The following MEMO1 variants were observed in gnomAD, a reference collection of about 807,000 sequenced individuals.
The protein encoded by MEMO1 is protein MEMO1.
In MEMO1, 6 loss-of-function variants were observed where a neutral mutation model predicts 45.2. That is an observed-to-expected ratio of 0.13 (90% confidence interval 0.07 to 0.26). The LOEUF is 0.26. Among genes scored for constraint, MEMO1 ranks in the 10% least tolerant of loss-of-function variants. The pLI is 1.00. For missense variants in MEMO1, 184 were observed against 370.5 expected (o/e 0.50, Z 4.13); for synonymous variants, 78 against 124.3 (o/e 0.63, Z 2.48).
At chr2:31,960,404 C>G (rs551997716) in intron 2 of MEMO1, among the ~76,000 whole-genome samples, 1 of 152,002 alleles carries the variant, frequency 6.6e-6, no homozygotes, top group African/African-American at 2.4e-5. Context: ...TTAATTATAG[C>G]CTTTCTAAAC....
intron 2 of MEMO1, among the ~76,000 whole-genome samples, chr2:31,959,335 C>T (rs536207501): frequency 3.9e-5 from 6 of 152,104 alleles, no homozygotes; most frequent in African/African-American, 1.4e-4. Context: ...TCCTGAGATA[C>T]AGGTACTTGG....
intron 2 of MEMO1, among the ~76,000 whole-genome samples, chr2:31,985,268 A>C (rs1223582872): frequency 6.6e-6 from 1 of 152,226 alleles, no homozygotes; most frequent in African/African-American, 2.4e-5. Context: ...AAAATAAATA[A>C]CAAAATGATT....
At chr2:31,908,265 G>T (rs1420136530) in intron 6 of MEMO1, among the ~76,000 whole-genome samples, 1 of 152,104 alleles carries the variant, frequency 6.6e-6, no homozygotes, top group African/African-American at 2.4e-5. Context: ...ACTGTCTACA[G>T]AATGCACTGA....
intron 6 of MEMO1, among the ~76,000 whole-genome samples, chr2:31,900,396 C>T (rs1174873526): frequency 1.3e-5 from 2 of 151,952 alleles, no homozygotes; most frequent in South Asian, 2.1e-4. Context: ...TGGATGAAGC[C>T]GGAAACCATC....
In MEMO1 at chr2:31,927,829, T is replaced by G. The variant is rs1683337212; in HGVS notation, c.212+4238A>C. 3.3e-5 allele frequency among the ~76,000 whole-genome samples: 5 copies of G among 152,232 alleles called. No homozygotes were observed. In the South Asian group the frequency reaches 1.0e-3, roughly 31 times the overall value. ...AAAGGTAGATGTGGTCTACATTTGG[T>G]GTCCTTAATAAGTTAAGGGTTCCTG... is the stretch of plus-strand genomic sequence containing the variant. On this transcript the variant is annotated intron_variant, in intron 4 of 9. Transcript: ENST00000404530.
chr2:31,942,587 C>A (rs1404842270), intron 3 of MEMO1, among the ~76,000 whole-genome samples: 1 of 151,890 alleles, frequency 6.6e-6, no homozygotes, highest in African/African-American at 2.4e-5. Flanking sequence ...CTCACTACAA[C>A]CTCCACCTCC....
At chr2:31,971,547 A>G (rs910101216) in intron 2 of MEMO1, among the ~76,000 whole-genome samples, 1 of 151,986 alleles carries the variant, frequency 6.6e-6, no homozygotes, top group Non-Finnish European at 1.5e-5. Flanking sequence ...TTTATTTTTT[A>G]TTATTATTTT....
At chr2:31,930,099 T>TAAAAATAC (rs1683728778) in intron 4 of MEMO1, among the ~76,000 whole-genome samples, 1 of 152,140 alleles carries the variant, frequency 6.6e-6, no homozygotes, top group African/African-American at 2.4e-5. Context: ...GTGTCTCCAC[T>TAAAAATAC]AAAAATACAA....
chr2:31,918,297 T>G (rs1681766348), intron 5 of MEMO1, among the ~76,000 whole-genome samples: 1 of 152,208 alleles, frequency 6.6e-6, no homozygotes, highest in Non-Finnish European at 1.5e-5. Flanking sequence ...TTACTCATCA[T>G]TTGTATATGT....
intron 3 of MEMO1, among the ~76,000 whole-genome samples, chr2:31,933,351 T>TAAAAAAAAAAA (rs869274123): frequency 2.2e-5 from 1 of 45,088 alleles, no homozygotes; most frequent in Non-Finnish European, 3.7e-5. Flanking sequence ...AAAAAAAAAT[T>TAAAAAAAAAAA]TATATATATA....
chr2:31,935,676 C>G (rs1037179455), intron 3 of MEMO1, among the ~76,000 whole-genome samples: 1 of 152,066 alleles, frequency 6.6e-6, no homozygotes, highest in Non-Finnish European at 1.5e-5. Flanking sequence ...TATCCTCGCC[C>G]AGAAACATGG....
At chr2:31,966,910 G>A (rs902565184) in intron 2 of MEMO1, among the ~76,000 whole-genome samples, 5 of 151,898 alleles carry the variant, frequency 3.3e-5, no homozygotes, top group African/African-American at 7.3e-5. Context: ...ATCTCTATAC[G>A]TTCAAACTTT....
At chr2:31,896,307 T>C (rs550269735) in intron 6 of MEMO1, among the ~76,000 whole-genome samples, 12 of 152,140 alleles carry the variant, frequency 7.9e-5, no homozygotes, top group African/African-American at 2.2e-4. Context: ...TTAATTAAAA[T>C]TGGATCCTAG....
At chr2:31,986,988 A>G (rs1028195752) in intron 2 of MEMO1, among the ~76,000 whole-genome samples, 2 of 152,114 alleles carry the variant, frequency 1.3e-5, no homozygotes, top group African/African-American at 4.8e-5. Flanking sequence ...ACAATTAGGG[A>G]GAAAACAATG....
At chr2:31,989,749 A>T (rs1404089371) in intron 2 of MEMO1, among the ~76,000 whole-genome samples, 3 of 152,134 alleles carry the variant, frequency 2.0e-5, no homozygotes, top group South Asian at 2.1e-4. Context: ...GATTTTTTTT[A>T]AAAAAGGAAC....
At chr2:31,994,884 G>A (rs1672385612) in intron 2 of MEMO1, among the ~76,000 whole-genome samples, 1 of 151,742 alleles carries the variant, frequency 6.6e-6, no homozygotes, top group Middle Eastern at 3.2e-3. Flanking sequence ...GGAGGTCGAG[G>A]CTGCAGTGAG....
At chr2:31,923,125 T>G (rs2148190336) in intron 4 of MEMO1, among the ~76,000 whole-genome samples, 1 of 152,248 alleles carries the variant, frequency 6.6e-6, no homozygotes, top group South Asian at 2.1e-4. Context: ...TCCACAACCT[T>G]GCCAGCATCT....
intron 8 of MEMO1, among the ~76,000 whole-genome samples, chr2:31,875,249 G>C (rs1420600455): frequency 1.3e-5 from 2 of 152,082 alleles, no homozygotes; most frequent in South Asian, 4.1e-4. Context: ...TTAAAATTAT[G>C]TTCCAGTAAT....
chr2:31,871,975 C>T (rs1177437645), intron 8 of MEMO1, among the ~76,000 whole-genome samples: 1 of 150,394 alleles, frequency 6.6e-6, no homozygotes, highest in Non-Finnish European at 1.5e-5. Context: ...GATTGTGCCA[C>T]TGCACTCCAG....
Sources: allele counts gnomAD v4.1 joint callset (sites outside exome capture counted in the v4.1 genomes callset), GRCh38; gene constraint gnomAD v4.1.1; transcripts MANE v1.5; gene names NCBI Gene and HGNC (gene_info 2026-07-23, HGNC 2026-07-21).